Variants in SLC8A1 observed in about 807,000 individuals in gnomAD.
The protein encoded by SLC8A1 is solute carrier family 8 member A1.
In SLC8A1, 18 loss-of-function variants were observed where a neutral mutation model predicts 68.3. The observed-to-expected ratio is 0.26, with a 90% CI of 0.18 to 0.39. The LOEUF is 0.39. Among genes scored for constraint, SLC8A1 ranks in the 10% least tolerant of loss-of-function variants. The pLI, the probability that SLC8A1 is intolerant of heterozygous loss-of-function variation, is 1.00. For synonymous variants in SLC8A1, 475 were observed against 415.5 expected (o/e 1.14, Z -1.74); for missense variants, 985 against 1,156.7 (o/e 0.85, Z 2.15).
At chr2:40,235,449 C>G (rs2060234612) in intron 2 of SLC8A1, among the ~76,000 whole-genome samples, 1 of 151,736 alleles carries the variant, frequency 6.6e-6, no homozygotes. Flanking sequence ...GGTGATATCC[C>G]CTTTATCATT....
Position 40,306,452 on chromosome 2 carries a change from T to TA in SLC8A1, c.1808+122020_1808+122021insT, listed in dbSNP as rs538380636. On this transcript the variant is annotated intron_variant, in intron 2 of 7. Transcript: ENST00000406785. ...GGATAAATAAAAAAAGGAATGGTTG[T>TA]GGGGGGGGGCATAGCGTGGAATATT... Among the ~76,000 whole-genome samples the TA allele has an allele frequency of 9.2e-3, 1,337 of 145,584 alleles. 11 individuals are homozygous for TA. The highest frequency in any genetic ancestry group is 0.012 in the Admixed American group (179 of 14,792).
In SLC8A1 at chr2:40,174,725, AT is replaced by A; in HGVS notation, c.1930+99del. On this transcript the variant is annotated intron_variant, in intron 4 of 7. Coordinates refer to ENST00000406785, the Ensembl canonical transcript of SLC8A1. ...TCTTACCAAACAGGTATTTTCCTTC[AT>A]TAAAAGCAAATAAAAATGAGAAATT... The A allele has an allele frequency of 6.5e-7, 1 of 1,549,798 alleles. No individual in the cohort carries two copies. The highest frequency in any genetic ancestry group is 8.9e-7 in the Non-Finnish European group (1 of 1,128,390).
At chr2:40,119,930 C>T (rs1021308567) in intron 7 of SLC8A1, among the ~76,000 whole-genome samples, 7 of 152,160 alleles carry the variant, frequency 4.6e-5, no homozygotes, top group African/African-American at 7.2e-5. Context: ...AAAGTCAGGA[C>T]GTAATTGTTC....
exon 8 of SLC8A1, chr2:40,110,745 T>G (rs928239078): frequency 6.6e-6 from 1 of 152,040 alleles, no homozygotes; most frequent in Admixed American, 6.6e-5. Context: ...AGTCAGAAAG[T>G]CAGAATCAAC....
chr2:40,338,465 T>C (rs1322663607), intron 2 of SLC8A1, among the ~76,000 whole-genome samples: 25 of 152,164 alleles, frequency 1.6e-4, no homozygotes, highest in Admixed American at 1.6e-3. Flanking sequence ...GCCTGCTGAT[T>C]GAAGATTACT....
At chr2:40,381,656 C>A (rs1681843150) in intron 2 of SLC8A1, among the ~76,000 whole-genome samples, 1 of 151,836 alleles carries the variant, frequency 6.6e-6, no homozygotes, top group Non-Finnish European at 1.5e-5. Flanking sequence ...TTTATGGTTT[C>A]TTTTAAATAA....
intron 7 of SLC8A1, among the ~76,000 whole-genome samples, chr2:40,133,964 T>C (rs10208777): frequency 0.2 from 29,687 of 152,126 alleles, 3,103 homozygotes; most frequent in African/African-American, 0.26. Context: ...TTCTTAATTT[T>C]TTCCCTTTAT....
intron 2 of SLC8A1, among the ~76,000 whole-genome samples, chr2:40,339,608 T>C (rs1220398531): frequency 6.6e-6 from 1 of 152,200 alleles, no homozygotes; most frequent in African/African-American, 2.4e-5. Context: ...AAATATTAAC[T>C]AATATAGGTT....
At chr2:40,322,070 T>A (rs1294033959) in intron 2 of SLC8A1, among the ~76,000 whole-genome samples, 1 of 152,088 alleles carries the variant, frequency 6.6e-6, no homozygotes, top group Non-Finnish European at 1.5e-5. Context: ...TTCACATATT[T>A]TTAGCAGTAA....
At chr2:40,110,153 T>C (rs933434929) in exon 8 of SLC8A1, 1 of 152,118 alleles carries the variant, frequency 6.6e-6, no homozygotes, top group Non-Finnish European at 1.5e-5. Flanking sequence ...TGCAGTGCTT[T>C]CCTTTGGGAG....
intron 1 of SLC8A1, among the ~76,000 whole-genome samples, chr2:40,458,718 A>G (rs973899770): frequency 9.2e-5 from 14 of 152,180 alleles, no homozygotes; most frequent in African/African-American, 3.1e-4. Context: ...TTTGTAAACT[A>G]ACCCTTTGTC....
chr2:40,415,426 G>T (rs1019150577), intron 2 of SLC8A1, among the ~76,000 whole-genome samples: 3 of 137,278 alleles, frequency 2.2e-5, no homozygotes, highest in African/African-American at 8.0e-5. Flanking sequence ...AATCCATATG[G>T]AAAAAAAAAA....
At chr2:40,408,693 C>G (rs936937508) in intron 2 of SLC8A1, among the ~76,000 whole-genome samples, 1 of 152,178 alleles carries the variant, frequency 6.6e-6, no homozygotes, top group Non-Finnish European at 1.5e-5. Context: ...ACACACACAA[C>G]AGTGGTAAAA....
At chr2:40,184,478 T>G (rs149942246) in intron 2 of SLC8A1, among the ~76,000 whole-genome samples, 2 of 152,272 alleles carry the variant, frequency 1.3e-5, no homozygotes, top group Non-Finnish European at 2.9e-5. Context: ...GCAACCTTAA[T>G]AGTATAGGTG....
At chr2:40,338,730 A>G (rs1215132996) in intron 2 of SLC8A1, among the ~76,000 whole-genome samples, 1 of 152,190 alleles carries the variant, frequency 6.6e-6, no homozygotes, top group African/African-American at 2.4e-5. Context: ...TTAGATGGCA[A>G]TTATCTTCCA....
rs1167684673 is a variant in SLC8A1 at position 40,237,689 on chromosome 2, T to C, written c.1809-59834A>G. ...GGAGGAGGAGAGGCGCTCTGCTTTT[T>C]AGAGTTTCCAGTTTTTCTGTTCTGT... On this transcript the variant is annotated intron_variant, in intron 2 of 7. Transcript: ENST00000406785. Among the ~76,000 whole-genome samples, 9 of 152,180 alleles carry C rather than the reference T, an allele frequency of 5.9e-5. No individual in the cohort carries two copies. In the East Asian group the frequency reaches 1.4e-3, roughly 23 times the overall value.
intron 2 of SLC8A1, among the ~76,000 whole-genome samples, chr2:40,331,224 C>T (rs2076373724): frequency 1.3e-5 from 2 of 152,146 alleles, no homozygotes; most frequent in Non-Finnish European, 2.9e-5. Context: ...GCACATAATA[C>T]ATTATCAATA....
rs967411134 is a variant in SLC8A1, at chr2:40,473,226, T to G, written c.-25+39123A>C. Among the ~76,000 whole-genome samples the G allele has an allele frequency of 3.9e-5, 6 of 152,122 alleles. No homozygotes were observed. The East Asian group carries it at 1.2e-3, about 29-fold the overall frequency. Reference sequence around the variant, plus strand: ...AACTGAAGATATTCCACCTGGAAAATGAAAGACATAGAAAAATACCTAATT... The same window carrying G: ...AACTGAAGATATTCCACCTGGAAAAGGAAAGACATAGAAAAATACCTAATT... On this transcript the variant is annotated intron_variant, in intron 1 of 7. Coordinates refer to the SLC8A1 transcript ENST00000402441.
intron 6 of SLC8A1, among the ~76,000 whole-genome samples, chr2:40,151,489 C>T (rs916706603): frequency 1.3e-5 from 2 of 151,988 alleles, no homozygotes; most frequent in African/African-American, 2.4e-5. Context: ...GGCAGATTTG[C>T]GGTTGTTGTT....
Sources: gnomAD v4.1 joint callset for allele counts (sites outside exome capture counted in the v4.1 genomes callset) on GRCh38, gnomAD v4.1.1 for gene constraint, MANE v1.5 for transcripts, NCBI Gene and HGNC (gene_info 2026-07-23, HGNC 2026-07-21) for gene names.